ECPAS: variants seen among roughly 807,000 people sequenced by gnomAD.
The protein encoded by ECPAS is proteasome adapter and scaffold protein ECM29.
Under a neutral mutation model 255.1 loss-of-function variants are expected in ECPAS, and 70 were observed. The observed-to-expected ratio is 0.27, with a 90% CI of 0.23 to 0.33. ECPAS has a LOEUF of 0.33. ECPAS is among the 10% of genes least tolerant of loss of function. The probability of loss-of-function intolerance (pLI) is 1.00; values close to 1 mark genes in which losing one functional copy is unlikely to be tolerated. For synonymous variants in ECPAS, 784 were observed against 775.0 expected (o/e 1.01, Z -0.19); for missense variants, 1,817 against 2,206.4 (o/e 0.82, Z 3.54).
chr9:111,419,072 ATGGCATGAGGGGCACACAGC>A (rs2098208999), intron 16 of ECPAS, among the ~76,000 whole-genome samples: 2 of 152,216 alleles, frequency 1.3e-5, no homozygotes, highest in Non-Finnish European at 1.5e-5. Context: ...AAGAAAATAA[ATGGCATGAGGGGCACACAGC>A]TGGCCAACTA....
intron 1 of ECPAS, among the ~76,000 whole-genome samples, chr9:111,477,187 C>A (rs1422141410): frequency 6.6e-6 from 1 of 151,954 alleles, no homozygotes; most frequent in Non-Finnish European, 1.5e-5. Flanking sequence ...CAGCTCACTG[C>A]ATCCTCCAGT....
intron 1 of ECPAS, among the ~76,000 whole-genome samples, chr9:111,482,246 A>T (rs1455522188): frequency 6.6e-6 from 1 of 151,848 alleles, no homozygotes; most frequent in African/African-American, 2.4e-5. Context: ...GTCTCCTCCG[A>T]CTCTCCAATC....
At chr9:111,456,154 C>T (rs1254457014) in intron 2 of ECPAS, among the ~76,000 whole-genome samples, 10 of 152,194 alleles carry the variant, frequency 6.6e-5, no homozygotes, top group East Asian at 3.9e-4. Context: ...ATAATACATA[C>T]AGAAAATCAT....
chr9:111,444,992 CTTTTTTTTTT>C, intron 3 of ECPAS, among the ~76,000 whole-genome samples: 1 of 105,594 alleles, frequency 9.5e-6, no homozygotes, highest in African/African-American at 4.2e-5. Flanking sequence ...CTGCTCCTGG[CTTTTTTTTTT>C]TTTTTTTTTT....
chr9:111,415,307 T>A (rs2098201649), intron 18 of ECPAS, among the ~76,000 whole-genome samples: 1 of 151,832 alleles, frequency 6.6e-6, no homozygotes, highest in Non-Finnish European at 1.5e-5. Context: ...AATGGCCTAT[T>A]ACTCCTGCAG....
intron 43 of ECPAS, among the ~76,000 whole-genome samples, chr9:111,370,999 C>T (rs16916007): frequency 0.056 from 8,456 of 152,232 alleles, 571 homozygotes; most frequent in African/African-American, 0.15. Flanking sequence ...AGAACTGATT[C>T]GACCCAGGTC....
At chr9:111,390,173 A>C in intron 29 of ECPAS, 72 bp from the exon 30 acceptor site, 3 of 868,478 alleles carry the variant, frequency 3.5e-6, no homozygotes, top group Non-Finnish European at 5.5e-6. Flanking sequence ...TACATCATCA[A>C]TATTACTAGG....
chr9:111,377,780 T>C (rs754337496), intron 36 of ECPAS, among the ~76,000 whole-genome samples: 43 of 152,186 alleles, frequency 2.8e-4, no homozygotes, highest in African/African-American at 9.9e-4. Context: ...TGGGAGACCT[T>C]CTATGGGATT....
At chr9:111,461,601 G>T (rs1313297086) in intron 2 of ECPAS, among the ~76,000 whole-genome samples, 1 of 152,178 alleles carries the variant, frequency 6.6e-6, no homozygotes, top group Non-Finnish European at 1.5e-5. Context: ...TTAAACAGAG[G>T]TGTCACTGCA....
intron 15 of ECPAS, 25 bp downstream of exon 15, chr9:111,421,896 G>A: frequency 6.2e-7 from 1 of 1,609,410 alleles, no homozygotes; most frequent in Non-Finnish European, 8.5e-7. Context: ...ATACTACCCA[G>A]GCTTTGTAGT....
chr9:111,393,114 A>C (rs544249009), intron 27 of ECPAS, among the ~76,000 whole-genome samples: 1 of 152,318 alleles, frequency 6.6e-6, no homozygotes, highest in African/African-American at 2.4e-5. Context: ...CCAGTTCACA[A>C]ATCTAGACAA....
rs1439062352 is a variant in ECPAS, at chr9:111,413,985, A to T, written c.1989T>A (p.Gly663=). The part of the protein sequence containing the change: ...LLQQLLAGVG[G]LPVMYCLLEA... ...CCAATAGACAGTACATAACCGGCAAACCTAAATAAGAATTCAGAATCACCT... is the reference window on the plus strand; with the variant it reads ...CCAATAGACAGTACATAACCGGCAATCCTAAATAAGAATTCAGAATCACCT... Residue 663 remains glycine (G), a splice_region_variant and synonymous_variant, in exon 20 of 50, where the codon GGT becomes GGA. Transcript: ENST00000684092. 8.9e-6 allele frequency: 14 copies of T among 1,568,316 alleles called. No homozygotes were observed. The highest frequency in any genetic ancestry group is 1.2e-5 in the Non-Finnish European group (14 of 1,155,520).
At position 111,470,482 on chromosome 9, in the gene ECPAS, T is replaced by C. The variant is rs182672558; in HGVS notation, c.22+2415A>G. On this transcript the variant is annotated intron_variant, in intron 2 of 49. Transcript: ENST00000684092. Reference sequence around the variant, plus strand: ...TGTGCCACGACACCCAGCTAACTTTTTGTATTTTTAGTAGAGATGGGGTTT... The same window carrying C: ...TGTGCCACGACACCCAGCTAACTTTCTGTATTTTTAGTAGAGATGGGGTTT... Among the ~76,000 whole-genome samples the C allele has an allele frequency of 7.2e-5, 11 of 152,190 alleles. No homozygotes were observed. The East Asian group carries it at 1.9e-3, about 27-fold the overall frequency.
chr9:111,432,488 C>A (rs2098231498), intron 8 of ECPAS, among the ~76,000 whole-genome samples: 1 of 152,172 alleles, frequency 6.6e-6, no homozygotes, highest in African/African-American at 2.4e-5. Context: ...GTGGCCAGCA[C>A]CTGTAGTCCC....
chr9:111,408,264 C>T (rs1250874883), intron 24 of ECPAS, among the ~76,000 whole-genome samples: 1 of 152,182 alleles, frequency 6.6e-6, no homozygotes, highest in Non-Finnish European at 1.5e-5. Flanking sequence ...CACTCAAGAA[C>T]TACTGTTTTT....
intron 1 of ECPAS, among the ~76,000 whole-genome samples, chr9:111,476,358 G>C (rs41508454): frequency 6.6e-6 from 1 of 152,082 alleles, no homozygotes; most frequent in African/African-American, 2.4e-5. Context: ...GCAGAAGATA[G>C]TATTAGCAGA....
At chr9:111,460,633 T>C (rs1299472832) in intron 2 of ECPAS, among the ~76,000 whole-genome samples, 2 of 152,050 alleles carry the variant, frequency 1.3e-5, no homozygotes. Flanking sequence ...AATCAATTGG[T>C]TTCCTATATA....
chr9:111,469,726 G>GT (rs2098284408), intron 2 of ECPAS, among the ~76,000 whole-genome samples: 1 of 149,058 alleles, frequency 6.7e-6, no homozygotes. Context: ...GCAGAATGGC[G>GT]TGAACCCGGG....
In ECPAS at chr9:111,373,377, G is replaced by A. The variant is rs2098129668; in HGVS notation, c.4207C>T (p.Leu1403=). The stretch of plus-strand genomic sequence containing the variant: ...TGAATCACACTGTTCCGATCTGTCA[G>A]GCCACTCAGCAAAGCACTCATAAGT... ...GKLMSALLSG[L]TDRNSVIQKS... Residue 1403 remains leucine, a synonymous_variant, in exon 40 of 50, where the codon CTG becomes TTG. Coordinates refer to ENST00000684092, the MANE Select transcript of ECPAS (RefSeq NM_001364929.1). The A allele has an allele frequency of 4.3e-6, 7 of 1,613,820 alleles. No homozygotes were observed. The highest frequency in any genetic ancestry group is 5.9e-6 in the Non-Finnish European group (7 of 1,179,804).
Sources: gnomAD v4.1 joint callset for allele counts (sites outside exome capture counted in the v4.1 genomes callset) on GRCh38, gnomAD v4.1.1 for gene constraint, MANE v1.5 for transcripts, NCBI Gene and HGNC (gene_info 2026-07-23, HGNC 2026-07-21) for gene names.